YEATS4: variants seen among roughly 807,000 people sequenced by gnomAD.
The protein encoded by YEATS4 is YEATS domain containing 4.
YEATS4 carries 17 observed loss-of-function variants against 30.1 expected under a neutral mutation model. The ratio of observed to expected loss-of-function variants is 0.56; its 90% CI spans 0.39 to 0.85. YEATS4 has a LOEUF of 0.85. Ranked by LOEUF, YEATS4 falls within the 40% of genes least tolerant of loss-of-function variation. The pLI is 0.00. For missense variants in YEATS4, 142 were observed against 268.3 expected, an observed-to-expected ratio of 0.53 and a Z score of 3.29; for synonymous variants, 85 against 87.5, an observed-to-expected ratio of 0.97 and a Z score of 0.16.
At chr12:69,407,781 A>G in the YEATS4 span, among the ~76,000 whole-genome samples, 4 of 128,706 alleles carry the variant, frequency 3.1e-5, no homozygotes, top group Non-Finnish European at 4.7e-5. Context: ...CAATGGTGCA[A>G]TCTCAGCTCA....
the YEATS4 span, among the ~76,000 whole-genome samples, chr12:69,403,568 C>A: frequency 6.9e-6 from 1 of 144,752 alleles, no homozygotes; most frequent in Non-Finnish European, 1.5e-5. Flanking sequence ...CAGAGCAAGA[C>A]TCTGTCTCAA....
intron 6 of YEATS4, among the ~76,000 whole-genome samples, chr12:69,372,540 T>TTTTTTTTTTC: frequency 6.7e-6 from 1 of 148,390 alleles, no homozygotes; most frequent in East Asian, 2.0e-4. Flanking sequence ...CTCATGAGTT[T>TTTTTTTTTTC]TTTTTTTTTT....
chr12:69,360,078 C>G (rs1235536682), intron 1 of YEATS4, 55 bp downstream of exon 1: 11 of 1,588,246 alleles, frequency 6.9e-6, no homozygotes, highest in Non-Finnish European at 4.3e-6. Context: ...CGGTTCCTCC[C>G]TGCGCGGCGC....
rs12318997 is a variant in YEATS4, at chr12:69,390,424, A to G, written c.*108A>G. 6.3e-3 allele frequency: 6,418 copies of G among 1,016,580 alleles called. 53 individuals carry two copies. The highest frequency in any genetic ancestry group is 0.03 in the African/African-American group (1,800 of 59,696). The allele number at this position is 1,016,580 out of a possible 1,614,324, so 63.0% of individuals were successfully genotyped here. ...GTGATGTTTCTTAGAGGAACTTCAT[A>G]TACAGCTGTTGACCATGAATTTCTT... On this transcript the variant is annotated 3_prime_UTR_variant, in exon 7 of 7. Transcript: ENST00000247843.
chr12:69,377,580 C>T (rs184492582), intron 6 of YEATS4, among the ~76,000 whole-genome samples: 1 of 152,298 alleles, frequency 6.6e-6, no homozygotes, highest in East Asian at 1.9e-4. Context: ...AATTCTTAAT[C>T]TCTTCATTGA....
At chr12:69,375,231 C>T (rs551367503) in intron 6 of YEATS4, among the ~76,000 whole-genome samples, 311 of 150,258 alleles carry the variant, frequency 2.1e-3, no homozygotes, top group Non-Finnish European at 3.5e-3. Context: ...GACGGGGTGG[C>T]GGCGGGGCAG....
chr12:69,376,580 C>A (rs1592854397), intron 6 of YEATS4, among the ~76,000 whole-genome samples: 1 of 152,154 alleles, frequency 6.6e-6, no homozygotes, highest in East Asian at 1.9e-4. Context: ...GATGAATGAT[C>A]TTTTTAAGGT....
At chr12:69,382,248 A>G (rs957908895) in intron 6 of YEATS4, among the ~76,000 whole-genome samples, 21 of 152,200 alleles carry the variant, frequency 1.4e-4, no homozygotes, top group African/African-American at 4.8e-4. Context: ...GTCTTAAATC[A>G]TTAATTTGAT....
intron 2 of YEATS4, among the ~76,000 whole-genome samples, chr12:69,363,691 TTGAG>T (rs1875322379): frequency 6.6e-6 from 1 of 152,202 alleles, no homozygotes; most frequent in South Asian, 2.1e-4. Flanking sequence ...CAGATATTTA[TTGAG>T]TGAGTAAATT....
At chr12:69,372,218 G>T (rs746127336) in intron 6 of YEATS4, among the ~76,000 whole-genome samples, 1 of 152,102 alleles carries the variant, frequency 6.6e-6, no homozygotes, top group Non-Finnish European at 1.5e-5. Context: ...TGGGTATATT[G>T]TAGGTATATA....
At chr12:69,398,679 G>A in the YEATS4 span, among the ~76,000 whole-genome samples, 1 of 151,694 alleles carries the variant, frequency 6.6e-6, no homozygotes, top group Non-Finnish European at 1.5e-5. Context: ...ACTGGGCATG[G>A]TGGTGTGCAC....
At chr12:69,361,454 C>G (rs1423835982) in intron 1 of YEATS4, 1 of 152,244 alleles carries the variant, frequency 6.6e-6, no homozygotes, top group Non-Finnish European at 1.5e-5. Flanking sequence ...CCATGCCCAG[C>G]TAATTTTGTA....
At chr12:69,388,093 T>C (rs1868273745) in intron 6 of YEATS4, among the ~76,000 whole-genome samples, 1 of 151,738 alleles carries the variant, frequency 6.6e-6, no homozygotes, top group Non-Finnish European at 1.5e-5. Flanking sequence ...AGTCTCGCGC[T>C]GTCGCCCAGG....
At chr12:69,390,056 A>T (rs563265740) in intron 6 of YEATS4, 91 bp from the exon 7 acceptor site, 121 of 1,045,594 alleles carry the variant, frequency 1.2e-4, no homozygotes, top group Non-Finnish European at 1.5e-4. Context: ...TCATGGAAAC[A>T]TTGTCGTCAG....
chr12:69,398,052 G>T, the YEATS4 span, among the ~76,000 whole-genome samples: 2 of 151,996 alleles, frequency 1.3e-5, no homozygotes. Context: ...AACACTCAAC[G>T]AATTAGTAAT....
intron 6 of YEATS4, among the ~76,000 whole-genome samples, chr12:69,382,030 G>C (rs564249117): frequency 5.3e-5 from 8 of 152,232 alleles, no homozygotes; most frequent in African/African-American, 1.7e-4. Context: ...AGCTTGAGAG[G>C]CTTCAAAAAT....
intron 2 of YEATS4, among the ~76,000 whole-genome samples, chr12:69,363,440 T>C (rs1875311969): frequency 6.6e-6 from 1 of 152,238 alleles, no homozygotes; most frequent in African/African-American, 2.4e-5. Flanking sequence ...CTAATTAAAA[T>C]TAAGATAACA....
the YEATS4 span, among the ~76,000 whole-genome samples, chr12:69,411,849 C>G: frequency 2.6e-5 from 4 of 152,246 alleles, 1 homozygote; most frequent in Admixed American, 2.6e-4. Context: ...CCAATGTGGC[C>G]GATGCCAAGT....
chr12:69,378,586 A>T (rs928858088), intron 6 of YEATS4, among the ~76,000 whole-genome samples: 3 of 152,138 alleles, frequency 2.0e-5, no homozygotes, highest in Non-Finnish European at 4.4e-5. Context: ...AATATCCTAT[A>T]ACCCGTTGTT....
Sources: gnomAD v4.1 joint callset for allele counts (sites outside exome capture counted in the v4.1 genomes callset) on GRCh38, gnomAD v4.1.1 for gene constraint, MANE v1.5 for transcripts, NCBI Gene and HGNC (gene_info 2026-07-23, HGNC 2026-07-21) for gene names.